Variants in PAXIP1 observed in about 807,000 individuals in gnomAD.
PAXIP1 encodes PAX interacting protein 1.
PAXIP1 carries 19 observed loss-of-function variants against 140.6 expected under a neutral mutation model. The observed-to-expected ratio is 0.14, with a 90% CI of 0.09 to 0.20. The LOEUF is 0.20. PAXIP1 is among the 10% of genes least tolerant of loss of function. The pLI is 1.00. For synonymous variants in PAXIP1, 442 were observed against 444.6 expected (o/e 0.99, Z 0.07); for missense variants, 920 against 1,208.6 (o/e 0.76, Z 3.54).
intron 12 of PAXIP1, among the ~76,000 whole-genome samples, chr7:154,960,284 T>C (rs1042533238): frequency 5.3e-5 from 8 of 152,184 alleles, no homozygotes; most frequent in Non-Finnish European, 1.5e-5. Context: ...TCACATAGTC[T>C]GGCTTCTAGC....
intron 4 of PAXIP1, among the ~76,000 whole-genome samples, chr7:154,983,958 T>C (rs1014840022): frequency 6.6e-5 from 10 of 152,184 alleles, no homozygotes; most frequent in African/African-American, 2.4e-4. Context: ...TCAAACAGGC[T>C]TTCACTGTAA....
intron 1 of PAXIP1, among the ~76,000 whole-genome samples, chr7:154,999,390 T>C (rs888111973): frequency 1.3e-5 from 2 of 152,140 alleles, no homozygotes; most frequent in African/African-American, 4.8e-5. Flanking sequence ...ACAGGAAAAG[T>C]AGCACAGATT....
At chr7:154,991,150 C>T (rs1405740730) in intron 3 of PAXIP1, 81 bp from the exon 4 acceptor site, 26 of 650,464 alleles carry the variant, frequency 4.0e-5, no homozygotes, top group South Asian at 2.5e-4. Flanking sequence ...CCACCCACTC[C>T]GTCCCCACTC....
At position 154,968,614 on chromosome 7, in the gene PAXIP1, TTGC is replaced by T. The variant is rs771080741; in HGVS notation, c.1584_1586del (p.Gln531del). The T allele has an allele frequency of 7.0e-6, 5 of 715,812 alleles. No individual in the cohort carries two copies. Among genetic ancestry groups the T allele is most frequent in the Non-Finnish European group, 7.8e-6 (3 of 385,210 alleles). The allele number at this position is 715,812 out of a possible 1,614,324, so 44.3% of individuals were successfully genotyped here. A position where few individuals can be genotyped will look rare whatever the true frequency, so the allele number is the denominator to read the frequency against. On this transcript the variant is annotated inframe_deletion, in exon 7 of 21. Coordinates refer to ENST00000404141, the MANE Select transcript of PAXIP1 (RefSeq NM_007349.4). ...GGAGCTGCTGCTGCTGAATCTGCTGTTGCTGCTGCTGCTGGAGCAGGCTGTGCT... is the reference window on the plus strand; with the variant it reads ...GGAGCTGCTGCTGCTGAATCTGCTGTTGCTGCTGCTGGAGCAGGCTGTGCT...
intron 5 of PAXIP1, among the ~76,000 whole-genome samples, chr7:154,977,128 C>T (rs1053006646): frequency 3.9e-5 from 6 of 151,986 alleles, no homozygotes; most frequent in African/African-American, 7.3e-5. Flanking sequence ...AAGATGTGTC[C>T]GGAGTAGTAT....
intron 3 of PAXIP1, among the ~76,000 whole-genome samples, chr7:154,992,376 G>A (rs62471876): frequency 0.22 from 34,182 of 152,024 alleles, 4,747 homozygotes; most frequent in Middle Eastern, 0.33. Context: ...GTGAAACCCC[G>A]TCTCTACTAA....
chr7:154,953,887 G>A (rs1334384322), intron 16 of PAXIP1, among the ~76,000 whole-genome samples: 3 of 152,090 alleles, frequency 2.0e-5, no homozygotes, highest in Non-Finnish European at 4.4e-5. Flanking sequence ...AAGTGTATTT[G>A]AGTAGGACAT....
intron 8 of PAXIP1, chr7:154,964,039 A>G (rs1808889012): frequency 5.2e-6 from 2 of 386,234 alleles, no homozygotes; most frequent in Non-Finnish European, 9.8e-6. Context: ...AGCTCAATGT[A>G]ACTGCCACTC....
chr7:154,975,551 C>G, intron 6 of PAXIP1, 145 bp downstream of exon 6: 1 of 561,606 alleles, frequency 1.8e-6, no homozygotes, highest in Non-Finnish European at 3.1e-6. Context: ...CACACACACA[C>G]ACACAAGTAA....
Position 154,981,923 on chromosome 7 carries a change from GA to G in PAXIP1, c.438+1295del, listed in dbSNP as rs537482176. ...TTCTCATCAAAATATTTTGGAAGGG[GA>G]AAAAACGCTAAATTAAGGCACTAGA... On this transcript the variant is annotated intron_variant, in intron 5 of 20. Coordinates refer to ENST00000404141, the MANE Select transcript of PAXIP1 (RefSeq NM_007349.4). Among the ~76,000 whole-genome samples the G allele has an allele frequency of 5.3e-5, 8 of 152,158 alleles. No individual in the cohort carries two copies. The South Asian group carries it at 6.2e-4, about 12-fold the overall frequency.
Position 154,946,502 on chromosome 7 carries a change from G to A in PAXIP1, c.3133+10C>T. 6.2e-7 allele frequency: 1 copy of A among 1,613,292 alleles called. No individual in the cohort carries two copies. Among genetic ancestry groups the A allele is most frequent in the Non-Finnish European group, 8.5e-7 (1 of 1,179,268 alleles). On this transcript the variant is annotated intron_variant, in intron 19 of 20. Coordinates refer to ENST00000404141, the MANE Select transcript of PAXIP1 (RefSeq NM_007349.4). The surrounding 1 kb of genome is among the most constrained non-coding windows in gnomAD (Gnocchi z 4.9). ...CACACATACTCACACAGGTAAGCGGGGAAACGTACCTATGCCTCTGGCAAA... is the reference window on the plus strand; with the variant it reads ...CACACATACTCACACAGGTAAGCGGAGAAACGTACCTATGCCTCTGGCAAA...
In PAXIP1 at chr7:154,983,306, C is replaced by A. The variant is rs760170953; in HGVS notation, c.351G>T (p.Leu117=). The A allele has an allele frequency of 3.4e-5, 54 of 1,608,024 alleles. No individual in the cohort carries two copies. Among genetic ancestry groups the A allele is most frequent in the Non-Finnish European group, 3.4e-6 (4 of 1,175,368 alleles). The change falls in exon 5 of 21, where the codon CTG becomes CTT. Residue 117 remains leucine (L), a synonymous_variant. Transcript: ENST00000404141. ...CCCCATAGAACGTAACCAAAGCCCA[C>A]AGGGCACTTCTGTCTTCAGATGACA... ...SQVSSEDRSA[L]WALVTFYGGD...
At chr7:154,970,421 G>A (rs1457883190) in intron 6 of PAXIP1, among the ~76,000 whole-genome samples, 2 of 152,162 alleles carry the variant, frequency 1.3e-5, no homozygotes, top group East Asian at 3.8e-4. Context: ...ATTGAAATAA[G>A]TCAAAATCAA....
intron 15 of PAXIP1, among the ~76,000 whole-genome samples, chr7:154,955,254 T>G (rs947586437): frequency 6.6e-6 from 1 of 152,216 alleles, no homozygotes; most frequent in African/African-American, 2.4e-5. Context: ...AGAAGGAGAC[T>G]TGCAAATGTT....
In PAXIP1 at chr7:154,986,999, G is replaced by A. The variant is rs552722472; in HGVS notation, c.325-3667C>T. Among the ~76,000 whole-genome samples, 1 of 152,318 alleles carries A rather than the reference G, an allele frequency of 6.6e-6. No individual in the cohort carries two copies. The highest frequency in any genetic ancestry group is 1.5e-5 in the Non-Finnish European group (1 of 68,028). On this transcript the variant is annotated intron_variant, in intron 4 of 20. Coordinates refer to ENST00000404141, the MANE Select transcript of PAXIP1 (RefSeq NM_007349.4). This position sits in a 1 kb window ranked among gnomAD's most constrained non-coding sequence, Gnocchi z 4.8. Reference sequence around the variant, plus strand: ...AAAATTGGACCTTTCACCTGACAGTGGGTGAGCAGAGCCCCTTCCCAGAAC... The same window carrying A: ...AAAATTGGACCTTTCACCTGACAGTAGGTGAGCAGAGCCCCTTCCCAGAAC...
intron 1 of PAXIP1, among the ~76,000 whole-genome samples, chr7:154,999,392 G>A (rs1481224844): frequency 6.6e-6 from 1 of 152,190 alleles, no homozygotes; most frequent in Non-Finnish European, 1.5e-5. Flanking sequence ...AGGAAAAGTA[G>A]CACAGATTTC....
intron 2 of PAXIP1, 128 bp from the exon 3 acceptor site, chr7:154,993,897 T>C (rs1222271424): frequency 3.1e-6 from 2 of 654,636 alleles, no homozygotes; most frequent in African/African-American, 3.7e-5. Context: ...ATTACAAGTA[T>C]GAATATTCAA....
At chr7:154,975,657 G>C (rs1175168645) in intron 6 of PAXIP1, 39 bp downstream of exon 6, 4 of 1,363,602 alleles carry the variant, frequency 2.9e-6, no homozygotes, top group Non-Finnish European at 4.1e-6. Flanking sequence ...CCAATTCTAA[G>C]ATCCAATACT....
At position 154,975,765 on chromosome 7, in the gene PAXIP1, T is replaced by C. The variant is rs753628883; in HGVS notation, c.1005A>G (p.Val335=). 14 of 1,613,838 alleles carry C rather than the reference T, an allele frequency of 8.7e-6. No individual in the cohort carries two copies. In the African/African-American group the frequency reaches 1.6e-4, roughly 18 times the overall value. The change falls in exon 6 of 21, where the codon GTA becomes GTG. Residue 335 remains valine (V), a synonymous_variant. Transcript: ENST00000404141. ...TATTAGTAATATTCCTCAGTGTCCG[T>C]ACAGCTGGACTCCAGGTAGCTATCA... ...SEMIATWSPA[V]RTLRNITNNA...
Sources: allele counts gnomAD v4.1 joint callset (sites outside exome capture counted in the v4.1 genomes callset), GRCh38; gene constraint gnomAD v4.1.1; non-coding constraint Gnocchi (gnomAD v3.1); transcripts MANE v1.5; gene names NCBI Gene and HGNC (gene_info 2026-07-23, HGNC 2026-07-21).